DNA2: variants seen among roughly 807,000 people sequenced by gnomAD.
DNA2 encodes the protein DNA replication helicase/nuclease 2, also known as DNA replication ATP-dependent helicase/nuclease DNA2.
DNA2 carries 101 observed loss-of-function variants against 119.1 expected under a neutral mutation model. The observed-to-expected ratio is 0.85, with a 90% CI of 0.72 to 1.00. DNA2 has a LOEUF of 1.00. Among genes scored for constraint, DNA2 ranks in the 50% least tolerant of loss-of-function variants. The pLI, the probability that DNA2 is intolerant of heterozygous loss-of-function variation, is 0.00. For missense variants in DNA2, 1,121 were observed against 1,255.5 expected (o/e 0.89, Z 1.62); for synonymous variants, 366 against 424.4 (o/e 0.86, Z 1.69).
chr10:68,465,456 G>A (rs1282417466), intron 4 of DNA2, among the ~76,000 whole-genome samples: 5 of 152,092 alleles, frequency 3.3e-5, no homozygotes, highest in Non-Finnish European at 7.4e-5. Context: ...TTATGCACAT[G>A]TACAAAATAT....
In DNA2 at chr10:68,424,529, G is replaced by T. The variant is rs976219317; in HGVS notation, c.2209-1639C>A. 7 of 732,388 alleles carry T rather than the reference G, an allele frequency of 9.6e-6. No homozygotes were observed. The African/African-American group carries it at 1.1e-4, about 11-fold the overall frequency. The allele number at this position is 732,388 out of a possible 1,614,324, so 45.4% of individuals were successfully genotyped here. The stretch of plus-strand genomic sequence containing the variant: ...AAAAAAAAAAAAAAAAACAAAACAG[G>T]CCTGAGGCCGCCGCTAGCCGGAGCA... On this transcript the variant is annotated intron_variant, in intron 14 of 20. Coordinates refer to ENST00000358410, the MANE Select transcript of DNA2 (RefSeq NM_001080449.3).
intron 10 of DNA2, among the ~76,000 whole-genome samples, chr10:68,433,645 G>A (rs1444762716): frequency 3.3e-5 from 5 of 151,980 alleles, no homozygotes; most frequent in South Asian, 2.1e-4. Context: ...TTATCTCACC[G>A]CAGCCCCCTG....
intron 5 of DNA2, among the ~76,000 whole-genome samples, chr10:68,452,635 G>A (rs911755811): frequency 4.0e-5 from 6 of 151,128 alleles, no homozygotes; most frequent in Non-Finnish European, 8.8e-5. Context: ...GCAGTAGCAC[G>A]AACACAGTTT....
At chr10:68,424,965 A>C in intron 14 of DNA2, 1 of 633,660 alleles carries the variant, frequency 1.6e-6, no homozygotes, top group Non-Finnish European at 2.9e-6. Flanking sequence ...AGGCAAATAT[A>C]AGGAGGAACT....
At chr10:68,433,491 T>G (rs1045228972) in intron 10 of DNA2, among the ~76,000 whole-genome samples, 1 of 152,120 alleles carries the variant, frequency 6.6e-6, no homozygotes, top group African/African-American at 2.4e-5. Flanking sequence ...TTTAAAACCT[T>G]TCAATACAAT....
intron 5 of DNA2, among the ~76,000 whole-genome samples, chr10:68,455,933 G>C (rs2052176987): frequency 6.6e-6 from 1 of 151,766 alleles, no homozygotes; most frequent in Non-Finnish European, 1.5e-5. Flanking sequence ...AATCCCATTA[G>C]AGGGCCAGGC....
chr10:68,461,697 G>A (rs568778512), intron 4 of DNA2, among the ~76,000 whole-genome samples: 4 of 151,984 alleles, frequency 2.6e-5, no homozygotes, highest in East Asian at 3.9e-4. Flanking sequence ...GCATGGTGGT[G>A]CATGCCTGTA....
chr10:68,418,486 A>C (rs1048145086), intron 19 of DNA2, among the ~76,000 whole-genome samples: 1 of 151,750 alleles, frequency 6.6e-6, no homozygotes, highest in African/African-American at 2.4e-5. Flanking sequence ...TTTAAAAAAA[A>C]AAAAAACCAG....
chr10:68,430,397 C>T (rs1358292624), intron 14 of DNA2, 39 bp downstream of exon 14: 11 of 1,400,988 alleles, frequency 7.9e-6, no homozygotes, highest in Non-Finnish European at 1.1e-5. Context: ...TGGCTGTGGA[C>T]ATTAACTGTT....
rs2051901560 is a variant in DNA2 at position 68,437,242 on chromosome 10, C to T, written c.1416-1G>A. 2 of 1,593,992 alleles carry T rather than the reference C, an allele frequency of 1.3e-6. No individual in the cohort carries two copies. The highest frequency in any genetic ancestry group is 1.7e-6 in the Non-Finnish European group (2 of 1,167,232). ...TCCAATGCAACTGCCACTCTTCTCC[C>T]TATGAAAAGACCAAAGAGAAAAAAA... On this transcript the variant is annotated splice_acceptor_variant, in intron 9 of 20. Coordinates refer to ENST00000358410, the MANE Select transcript of DNA2 (RefSeq NM_001080449.3). LOFTEE classifies it high-confidence loss of function.
chr10:68,458,540 G>GA (rs1184610293), intron 5 of DNA2, among the ~76,000 whole-genome samples: 222 of 102,708 alleles, frequency 2.2e-3, no homozygotes, highest in South Asian at 2.8e-3. Flanking sequence ...TATCAAAAAA[G>GA]AAAAAAAAAA....
chr10:68,465,941 A>T (rs763588871), intron 3 of DNA2, 129 bp from the exon 4 acceptor site: 40 of 826,862 alleles, frequency 4.8e-5, no homozygotes, highest in Middle Eastern at 5.1e-4. Flanking sequence ...TATTAAAAAA[A>T]TTTTTTTCTG....
chr10:68,454,041 T>G (rs541070198), intron 5 of DNA2, among the ~76,000 whole-genome samples: 1 of 152,200 alleles, frequency 6.6e-6, no homozygotes, highest in Non-Finnish European at 1.5e-5. Flanking sequence ...AGGATGCAAA[T>G]CCCTTGCTGA....
At chr10:68,470,675 C>T (rs1210501603) in intron 1 of DNA2, 6 of 414,128 alleles carry the variant, frequency 1.4e-5, no homozygotes, top group Non-Finnish European at 2.8e-5. Flanking sequence ...ATTTCTACCA[C>T]TGGTGCAAGC....
intron 7 of DNA2, among the ~76,000 whole-genome samples, chr10:68,445,381 T>A (rs2052024969): frequency 6.6e-6 from 1 of 151,864 alleles, no homozygotes; most frequent in African/African-American, 2.4e-5. Flanking sequence ...GAGAATCACC[T>A]GAACCTGGGA....
intron 9 of DNA2, among the ~76,000 whole-genome samples, chr10:68,439,738 T>C (rs1484326650): frequency 2.6e-5 from 4 of 151,656 alleles, no homozygotes; most frequent in African/African-American, 9.7e-5. Context: ...CTCGGGAGGC[T>C]GAGGCAAGAG....
chr10:68,471,421 G>A (rs1173819520), intron 1 of DNA2, among the ~76,000 whole-genome samples: 1 of 152,212 alleles, frequency 6.6e-6, no homozygotes, highest in Admixed American at 6.5e-5. Flanking sequence ...TATACACCAT[G>A]CTGAGGGTGC....
intron 20 of DNA2, among the ~76,000 whole-genome samples, chr10:68,416,062 C>A (rs2051585503): frequency 6.6e-6 from 1 of 152,096 alleles, no homozygotes; most frequent in African/African-American, 2.4e-5. Context: ...CCTGTGGTCC[C>A]AGATACTCAG....
chr10:68,442,604 C>G (rs1404320111), intron 9 of DNA2, among the ~76,000 whole-genome samples: 1 of 152,166 alleles, frequency 6.6e-6, no homozygotes, highest in Non-Finnish European at 1.5e-5. Context: ...CCAGGCTGGT[C>G]TCAAACTCTT....
Sources: gnomAD v4.1 joint callset for allele counts (sites outside exome capture counted in the v4.1 genomes callset) on GRCh38, gnomAD v4.1.1 for gene constraint, MANE v1.5 for transcripts, NCBI Gene and HGNC (gene_info 2026-07-23, HGNC 2026-07-21) for gene names.